TMTC2: variants seen among roughly 807,000 people sequenced by gnomAD.
The protein encoded by TMTC2 is transmembrane O-mannosyltransferase targeting cadherins 2.
Under a neutral mutation model 82.4 loss-of-function variants are expected in TMTC2, and 43 were observed. That is an observed-to-expected ratio of 0.52 (90% CI 0.41 to 0.67). TMTC2 has a LOEUF of 0.67. Among genes scored for constraint, TMTC2 ranks in the 30% least tolerant of loss-of-function variants. The pLI, the probability that TMTC2 is intolerant of heterozygous loss-of-function variation, is 0.00. For missense variants in TMTC2, 919 were observed against 1,012.4 expected (o/e 0.91, Z 1.25); for synonymous variants, 408 against 381.9 (o/e 1.07, Z -0.80).
At chr12:82,912,535 A>C (rs899337476) in intron 3 of TMTC2, among the ~76,000 whole-genome samples, 1 of 152,238 alleles carries the variant, frequency 6.6e-6, no homozygotes, top group Non-Finnish European at 1.5e-5. Context: ...AGTTGACTTA[A>C]TCTCTTTGAG....
chr12:82,695,673 A>C (rs557992747), intron 1 of TMTC2, among the ~76,000 whole-genome samples: 1 of 152,328 alleles, frequency 6.6e-6, no homozygotes, highest in Non-Finnish European at 1.5e-5. Context: ...GAACTCAAGG[A>C]CTTACTGGTT....
intron 8 of TMTC2, among the ~76,000 whole-genome samples, chr12:83,018,953 CA>C (rs1880797648): frequency 6.6e-6 from 1 of 152,088 alleles, no homozygotes; most frequent in African/African-American, 2.4e-5. Context: ...TTACAATGAG[CA>C]AAAGAGATTA....
intron 2 of TMTC2, among the ~76,000 whole-genome samples, chr12:82,871,060 A>G (rs1162861815): frequency 6.6e-6 from 1 of 152,236 alleles, no homozygotes; most frequent in African/African-American, 2.4e-5. Flanking sequence ...GCATATACAC[A>G]CAGCTGGTGG....
chr12:82,916,146 G>C (rs1211221299), intron 3 of TMTC2, among the ~76,000 whole-genome samples: 2 of 152,172 alleles, frequency 1.3e-5, no homozygotes, highest in African/African-American at 2.4e-5. Context: ...TACTGAATTG[G>C]TATAGTTGTT....
At chr12:82,861,350 T>C (rs566958108) in intron 2 of TMTC2, among the ~76,000 whole-genome samples, 4 of 152,306 alleles carry the variant, frequency 2.6e-5, no homozygotes, top group African/African-American at 7.2e-5. Flanking sequence ...AGACCAAAGC[T>C]AACAACCCCA....
intron 3 of TMTC2, among the ~76,000 whole-genome samples, chr12:82,919,989 C>G (rs1168380014): frequency 6.6e-6 from 1 of 152,172 alleles, no homozygotes; most frequent in Non-Finnish European, 1.5e-5. Context: ...TTTCCAACCT[C>G]CACCCGTTAT....
At chr12:82,754,770 C>G (rs1876213341) in intron 1 of TMTC2, among the ~76,000 whole-genome samples, 1 of 151,988 alleles carries the variant, frequency 6.6e-6, no homozygotes, top group Non-Finnish European at 1.5e-5. Flanking sequence ...AAAGGTACTT[C>G]AGCTGAGGCA....
intron 11 of TMTC2, among the ~76,000 whole-genome samples, chr12:83,077,848 C>T (rs1473938749): frequency 7.1e-6 from 1 of 141,502 alleles, no homozygotes; most frequent in Non-Finnish European, 1.5e-5. Flanking sequence ...GCTGGGATTA[C>T]AGGTGTGAGC....
chr12:83,011,046 G>T (rs1463356014), intron 8 of TMTC2, among the ~76,000 whole-genome samples: 4 of 152,142 alleles, frequency 2.6e-5, no homozygotes, highest in African/African-American at 9.7e-5. Flanking sequence ...TGTTGGCCAG[G>T]GTGATCTTGA....
At chr12:83,083,244 A>G (rs1883533841) in intron 11 of TMTC2, among the ~76,000 whole-genome samples, 1 of 152,228 alleles carries the variant, frequency 6.6e-6, no homozygotes, top group Admixed American at 6.5e-5. Context: ...GCCAAGCTAC[A>G]TAGACAATGA....
At chr12:82,967,185 A>C (rs1287511856) in intron 7 of TMTC2, among the ~76,000 whole-genome samples, 188 bp downstream of exon 7, 1 of 152,114 alleles carries the variant, frequency 6.6e-6, no homozygotes, top group Non-Finnish European at 1.5e-5. Flanking sequence ...AAATGCATTA[A>C]AGCAGCGATT....
chr12:82,841,891 G>A (rs563351869), intron 1 of TMTC2, among the ~76,000 whole-genome samples: 10 of 152,176 alleles, frequency 6.6e-5, no homozygotes, highest in Non-Finnish European at 1.5e-4. Flanking sequence ...AGATTCCTTA[G>A]TGTTAAAAGA....
chr12:82,765,728 G>A (rs1207903889), intron 1 of TMTC2, among the ~76,000 whole-genome samples: 13 of 151,276 alleles, frequency 8.6e-5, no homozygotes, highest in Non-Finnish European at 8.8e-5. Flanking sequence ...AAAAAACAAA[G>A]AAAAAACAGG....
chr12:82,752,661 G>GCA (rs1876081469), intron 1 of TMTC2, among the ~76,000 whole-genome samples: 1 of 151,448 alleles, frequency 6.6e-6, no homozygotes, highest in Non-Finnish European at 1.5e-5. Flanking sequence ...TCTTAAAATA[G>GCA]GCCTATATAG....
intron 1 of TMTC2, among the ~76,000 whole-genome samples, chr12:82,709,891 A>T (rs2136911319): frequency 6.6e-6 from 1 of 152,370 alleles, no homozygotes; most frequent in East Asian, 1.9e-4. Flanking sequence ...ATTTACAAAT[A>T]ACACAGAGGC....
chr12:82,835,223 A>G (rs1026975823), intron 1 of TMTC2, among the ~76,000 whole-genome samples: 1 of 152,246 alleles, frequency 6.6e-6, no homozygotes, highest in Non-Finnish European at 1.5e-5. Context: ...TATGTGTGCC[A>G]AATATAATAC....
intron 1 of TMTC2, among the ~76,000 whole-genome samples, chr12:82,719,294 A>AGGC (rs1874076830): frequency 6.6e-6 from 1 of 151,432 alleles, no homozygotes; most frequent in Non-Finnish European, 1.5e-5. Context: ...GGGTTTCACC[A>AGGC]TCTTGGCCAG....
intron 11 of TMTC2, among the ~76,000 whole-genome samples, chr12:83,095,108 G>A (rs1326623846): frequency 6.6e-6 from 1 of 152,134 alleles, no homozygotes; most frequent in Non-Finnish European, 1.5e-5. Context: ...TCAAGAGGTT[G>A]GAGAATTGTG....
intron 4 of TMTC2, among the ~76,000 whole-genome samples, chr12:82,940,239 A>G (rs1264605467): frequency 6.6e-6 from 1 of 150,866 alleles, no homozygotes; most frequent in Non-Finnish European, 1.5e-5. Flanking sequence ...TTGGTCTCGA[A>G]CTCCGGACCT....
Sources: gnomAD v4.1 joint callset for allele counts (sites outside exome capture counted in the v4.1 genomes callset) on GRCh38, gnomAD v4.1.1 for gene constraint, MANE v1.5 for transcripts, NCBI Gene and HGNC (gene_info 2026-07-23, HGNC 2026-07-21) for gene names.